Variants in SPATS2L observed in about 807,000 individuals in gnomAD.
The protein encoded by SPATS2L is spermatogenesis associated serine rich 2 like, also known as SPATS2-like protein.
In SPATS2L, 30 loss-of-function variants were observed where a neutral mutation model predicts 59.6. That is an observed-to-expected ratio of 0.50 (90% CI 0.38 to 0.68). The LOEUF is 0.68. Ranked by LOEUF, SPATS2L falls within the 30% of genes least tolerant of loss-of-function variation. The pLI is 0.00. For missense variants in SPATS2L, 615 were observed against 700.0 expected, an observed-to-expected ratio of 0.88 and a Z score of 1.37; for synonymous variants, 252 against 263.5, an observed-to-expected ratio of 0.96 and a Z score of 0.42.
intron 2 of SPATS2L, among the ~76,000 whole-genome samples, chr2:200,374,172 G>A (rs2081523241): frequency 6.6e-6 from 1 of 152,170 alleles, no homozygotes; most frequent in East Asian, 1.9e-4. Context: ...ATTGCATCTA[G>A]CAGAGACAAA....
intron 10 of SPATS2L, among the ~76,000 whole-genome samples, chr2:200,469,114 ATGAGAT>A (rs2086840154): frequency 6.6e-6 from 1 of 152,228 alleles, no homozygotes; most frequent in African/African-American, 2.4e-5. Flanking sequence ...ATCAGATGAA[ATGAGAT>A]TATCTGCTAA....
At chr2:200,336,193 A>G (rs2080137217) in intron 2 of SPATS2L, among the ~76,000 whole-genome samples, 1 of 152,228 alleles carries the variant, frequency 6.6e-6, no homozygotes, top group Non-Finnish European at 1.5e-5. Context: ...GACAGGGACC[A>G]CTGAATCAAA....
rs886552248 is a variant in SPATS2L, at chr2:200,481,317, A to C, written c.*3286A>C. Reference sequence around the variant, plus strand: ...AATGAGGTTAATGGGAAACGTTACCAGATTAAAAGCAGTTTTTTGACAAAG... The same window carrying C: ...AATGAGGTTAATGGGAAACGTTACCCGATTAAAAGCAGTTTTTTGACAAAG... On this transcript the variant is annotated 3_prime_UTR_variant, in exon 13 of 13. Transcript: ENST00000409140. 1 of 152,246 alleles carries C rather than the reference A, an allele frequency of 6.6e-6. No individual in the cohort carries two copies. Among genetic ancestry groups the C allele is most frequent in the Non-Finnish European group, 1.5e-5 (1 of 68,038 alleles). 9.4% of individuals were successfully genotyped at this position (152,246 alleles called of 1,614,324 possible).
intron 10 of SPATS2L, 194 bp from the exon 11 acceptor site, chr2:200,469,720 G>C: frequency 1.9e-6 from 1 of 522,288 alleles, no homozygotes. Flanking sequence ...ATATTCCCCA[G>C]GCAGGAAGAT....
chr2:200,386,467 G>C, intron 2 of SPATS2L, among the ~76,000 whole-genome samples: 1 of 152,178 alleles, frequency 6.6e-6, no homozygotes, highest in South Asian at 2.1e-4. Context: ...GCGTGTGTGC[G>C]TGTATGTTTT....
intron 2 of SPATS2L, among the ~76,000 whole-genome samples, chr2:200,346,981 T>C (rs979133271): frequency 3.3e-5 from 5 of 152,332 alleles, no homozygotes; most frequent in African/African-American, 1.2e-4. Flanking sequence ...TTCAATTGAG[T>C]AATAATTTTC....
chr2:200,396,035 T>A (rs10171528), intron 3 of SPATS2L, among the ~76,000 whole-genome samples: 2,076 of 19,132 alleles, frequency 0.11, 101 homozygotes, highest in African/African-American at 0.19. Flanking sequence ...AAAAAAAAAA[T>A]ATATATATAT....
intron 1 of SPATS2L, among the ~76,000 whole-genome samples, chr2:200,307,233 C>T (rs930857176): frequency 6.6e-6 from 1 of 151,674 alleles, no homozygotes; most frequent in Non-Finnish European, 1.5e-5. Context: ...CGCGCTCCGA[C>T]GTGTACCCGC....
intron 2 of SPATS2L, among the ~76,000 whole-genome samples, chr2:200,333,801 C>T (rs888245706): frequency 6.6e-6 from 1 of 152,220 alleles, no homozygotes; most frequent in Non-Finnish European, 1.5e-5. Flanking sequence ...TGGATTCCAG[C>T]TTCATCCATG....
chr2:200,446,467 C>A (rs2085052335), intron 8 of SPATS2L, among the ~76,000 whole-genome samples: 1 of 152,100 alleles, frequency 6.6e-6, no homozygotes, highest in East Asian at 1.9e-4. Flanking sequence ...CCCCAGGAGA[C>A]CATTGATTTG....
In SPATS2L at chr2:200,338,934, C is replaced by A. The variant is rs535381741; in HGVS notation, c.-23+9454C>A. On this transcript the variant is annotated intron_variant, in intron 2 of 12. Coordinates refer to ENST00000409140, the MANE Select transcript of SPATS2L (RefSeq NM_001100423.2). ...GCTGAAAGAAAGAAAGAGAAAGAAC[C>A]TCAAAGCCAATGCCCTGCTGACTGT... 2.0e-4 allele frequency among the ~76,000 whole-genome samples: 31 copies of A among 152,312 alleles called. No individual in the cohort carries two copies. The South Asian group carries it at 5.6e-3, about 27-fold the overall frequency.
chr2:200,476,872 G>A (rs756674399), intron 12 of SPATS2L, among the ~76,000 whole-genome samples: 6 of 152,236 alleles, frequency 3.9e-5, no homozygotes, highest in Non-Finnish European at 5.9e-5. Context: ...GATAGTAAAC[G>A]CGGGGGATTT....
chr2:200,414,915 G>A (rs2083004873), intron 4 of SPATS2L, among the ~76,000 whole-genome samples: 1 of 152,128 alleles, frequency 6.6e-6, no homozygotes, highest in Non-Finnish European at 1.5e-5. Flanking sequence ...AGTTGTGAAA[G>A]CAATAAGCAA....
At chr2:200,388,889 G>A (rs1439361228) in intron 2 of SPATS2L, among the ~76,000 whole-genome samples, 1 of 152,138 alleles carries the variant, frequency 6.6e-6, no homozygotes. Flanking sequence ...ACAATACTTA[G>A]TTAAAATAGG....
intron 8 of SPATS2L, among the ~76,000 whole-genome samples, chr2:200,443,690 C>A (rs2084847486): frequency 1.3e-5 from 2 of 152,152 alleles, no homozygotes; most frequent in South Asian, 4.1e-4. Context: ...ATTCACTTTG[C>A]TACCAAAAAG....
intron 8 of SPATS2L, among the ~76,000 whole-genome samples, chr2:200,446,416 G>A (rs1270381703): frequency 2.0e-5 from 3 of 152,170 alleles, no homozygotes; most frequent in Non-Finnish European, 4.4e-5. Context: ...GGAGTGATAT[G>A]TCTAGGGCCA....
intron 2 of SPATS2L, among the ~76,000 whole-genome samples, chr2:200,330,803 C>G (rs1351539034): frequency 6.6e-6 from 1 of 152,188 alleles, no homozygotes. Context: ...CTCCAGCTGC[C>G]TGTCACTAAT....
At chr2:200,410,194 A>G (rs1410884953) in intron 3 of SPATS2L, among the ~76,000 whole-genome samples, 1 of 152,126 alleles carries the variant, frequency 6.6e-6, no homozygotes, top group East Asian at 1.9e-4. Flanking sequence ...ATATGAACCC[A>G]TAGTGGCTTG....
Position 200,480,462 on chromosome 2 carries a change from G to A in SPATS2L, c.*2431G>A, listed in dbSNP as rs1392141113. On this transcript the variant is annotated 3_prime_UTR_variant, in exon 13 of 13. Coordinates refer to ENST00000409140, the MANE Select transcript of SPATS2L (RefSeq NM_001100423.2). ...CATGATCATGGCTCACTATAGCCTT[G>A]AACTCCTGGGCTCAAGCCATCCTCA... is the stretch of plus-strand genomic sequence containing the variant. 1.3e-5 allele frequency: 2 copies of A among 148,648 alleles called. No individual in the cohort carries two copies. Among genetic ancestry groups the A allele is most frequent in the Non-Finnish European group, 3.0e-5 (2 of 67,742 alleles). 9.2% of individuals were successfully genotyped at this position (148,648 alleles called of 1,614,324 possible).
Sources: allele counts gnomAD v4.1 joint callset (sites outside exome capture counted in the v4.1 genomes callset), GRCh38; gene constraint gnomAD v4.1.1; transcripts MANE v1.5; gene names NCBI Gene and HGNC (gene_info 2026-07-23, HGNC 2026-07-21).